WWOX: variants seen among roughly 807,000 people sequenced by gnomAD.
WWOX encodes WW domain-containing oxidoreductase.
Under a neutral mutation model 46.2 loss-of-function variants are expected in WWOX, and 69 were observed. The observed-to-expected ratio is 1.49, with a 90% CI of 1.23 to 1.82. WWOX has a LOEUF of 1.82. Among genes scored for constraint, WWOX ranks in the 40% most tolerant of loss-of-function variants. WWOX has a pLI of 0.00. For missense variants in WWOX, 919 were observed against 542.6 expected, an observed-to-expected ratio of 1.69 and a Z score of -6.89; for synonymous variants, 359 against 202.6, an observed-to-expected ratio of 1.77 and a Z score of -6.56.
intron 8 of WWOX, among the ~76,000 whole-genome samples, chr16:78,820,482 G>T (rs1196208078): frequency 2.6e-5 from 4 of 152,118 alleles, no homozygotes; most frequent in African/African-American, 4.8e-5. Context: ...AGAACTTCTT[G>T]TAAGCCCCAT....
intron 5 of WWOX, among the ~76,000 whole-genome samples, chr16:78,176,649 ATGAC>A (rs1212734237): frequency 1.8e-4 from 27 of 152,340 alleles, no homozygotes; most frequent in South Asian, 8.3e-4. Flanking sequence ...CTTCAGATTT[ATGAC>A]TCTGGGAAAA....
intron 8 of WWOX, among the ~76,000 whole-genome samples, chr16:78,983,850 C>T (rs2046731006): frequency 6.9e-6 from 1 of 145,336 alleles, no homozygotes; most frequent in South Asian, 2.2e-4. Context: ...TGAAGCAGTC[C>T]ATCTGTTATG....
At position 79,182,253 on chromosome 16, in the gene WWOX, T is replaced by C. The variant is rs74036977; in HGVS notation, c.1057-29355T>C. On this transcript the variant is annotated intron_variant, in intron 8 of 8. Coordinates refer to ENST00000566780, the MANE Select transcript of WWOX (RefSeq NM_016373.4). ...TCTGGGGCTGTACACGTCTTTGTACTGCACACTGTAGGGTATCCAGGATTC... is the reference window on the plus strand; with the variant it reads ...TCTGGGGCTGTACACGTCTTTGTACCGCACACTGTAGGGTATCCAGGATTC... Among the ~76,000 whole-genome samples the C allele has an allele frequency of 8.8e-3, 1,341 of 152,208 alleles. 15 individuals carry two copies. Among genetic ancestry groups the C allele is most frequent in the African/African-American group, 0.031 (1,294 of 41,534 alleles).
rs373448940 is a variant in WWOX, at chr16:78,145,401, A to G, written c.410-18782A>G. On this transcript the variant is annotated intron_variant, in intron 4 of 8. Coordinates refer to ENST00000566780, the MANE Select transcript of WWOX (RefSeq NM_016373.4). The stretch of plus-strand genomic sequence containing the variant: ...AGAGCCCCTGGCAAACCACTGGTGT[A>G]AGTCCAAGAGTCCAAAAGCTGAAGA... Among the ~76,000 whole-genome samples the G allele has an allele frequency of 7.2e-5, 11 of 152,300 alleles. 1 individual carries two copies. The highest frequency in any genetic ancestry group is 2.4e-4 in the African/African-American group (10 of 41,568).
At chr16:78,871,212 A>C (rs530672064) in intron 8 of WWOX, among the ~76,000 whole-genome samples, 92 of 150,590 alleles carry the variant, frequency 6.1e-4, no homozygotes, top group African/African-American at 2.2e-3. Context: ...AGGGGTAAAA[A>C]CCCCCGCTGC....
intron 8 of WWOX, among the ~76,000 whole-genome samples, chr16:78,828,757 G>T (rs1188323481): frequency 6.6e-6 from 1 of 152,048 alleles, no homozygotes; most frequent in Non-Finnish European, 1.5e-5. Context: ...CCTATAAAGT[G>T]GGCACAATTA....
intron 8 of WWOX, among the ~76,000 whole-genome samples, chr16:78,719,059 G>A (rs2048634111): frequency 1.3e-5 from 2 of 152,190 alleles, no homozygotes; most frequent in Non-Finnish European, 2.9e-5. Context: ...TTCCAACAGA[G>A]CTAAAGGGTA....
intron 8 of WWOX, among the ~76,000 whole-genome samples, chr16:79,160,757 GA>G (rs1350654975): frequency 6.6e-6 from 1 of 152,008 alleles, no homozygotes; most frequent in Non-Finnish European, 1.5e-5. Context: ...GCAGATTAGA[GA>G]AAAAAATGTG....
chr16:79,029,422 G>A (rs1055303675), intron 8 of WWOX, among the ~76,000 whole-genome samples: 6 of 152,166 alleles, frequency 3.9e-5, no homozygotes, highest in Non-Finnish European at 7.3e-5. Flanking sequence ...CAAAACATGT[G>A]TGCACCAGTA....
intron 8 of WWOX, among the ~76,000 whole-genome samples, chr16:78,823,315 G>T (rs1027774281): frequency 6.6e-6 from 1 of 152,198 alleles, no homozygotes; most frequent in Non-Finnish European, 1.5e-5. Context: ...GAGAGGAGTT[G>T]ATGATCACAT....
intron 8 of WWOX, among the ~76,000 whole-genome samples, chr16:78,647,313 C>G (rs542569659): frequency 3.3e-5 from 5 of 152,108 alleles, no homozygotes; most frequent in African/African-American, 9.7e-5. Context: ...CCGGCCCAGG[C>G]GAGGATGAGG....
rs1411189766 is a variant in WWOX, at chr16:79,099,348, A to G, written c.1057-112260A>G. ...ATATATCTTTCACATTTCTCTTTAC[A>G]AAAAGAAAAACAATGTAAGGTCCCG... On this transcript the variant is annotated intron_variant, in intron 8 of 8. Coordinates refer to ENST00000566780, the MANE Select transcript of WWOX (RefSeq NM_016373.4). Among the ~76,000 whole-genome samples, 5 of 152,178 alleles carry G rather than the reference A, an allele frequency of 3.3e-5. 1 individual carries two copies. Among genetic ancestry groups the G allele is most frequent in the Admixed American group, 3.3e-4 (5 of 15,276 alleles).
Position 78,961,561 on chromosome 16 carries a change from T to A in WWOX, c.1057-250047T>A, listed in dbSNP as rs182829590. Among the ~76,000 whole-genome samples the A allele has an allele frequency of 3.3e-5, 5 of 151,712 alleles. No individual in the cohort carries two copies. The East Asian group carries it at 5.8e-4, about 18-fold the overall frequency. ...ATAGATGGATGTATGGATGGGTGGG[T>A]TGGTGGGTGCATGGATGGGTGAGTA... On this transcript the variant is annotated intron_variant, in intron 8 of 8. Coordinates refer to ENST00000566780, the MANE Select transcript of WWOX (RefSeq NM_016373.4).
At chr16:78,285,615 C>T (rs1006010399) in intron 5 of WWOX, among the ~76,000 whole-genome samples, 2 of 152,108 alleles carry the variant, frequency 1.3e-5, no homozygotes, top group South Asian at 4.1e-4. Context: ...TGCAATTATG[C>T]ATTGTTTGTG....
chr16:78,103,234 G>T (rs1444727971), intron 1 of WWOX, among the ~76,000 whole-genome samples: 6 of 138,372 alleles, frequency 4.3e-5, no homozygotes, highest in Non-Finnish European at 9.5e-5. Context: ...GGCCTCTCTG[G>T]CTCCGCTGTT....
chr16:78,853,518 C>T (rs1030397160), intron 8 of WWOX, among the ~76,000 whole-genome samples: 2 of 152,138 alleles, frequency 1.3e-5, no homozygotes, highest in East Asian at 1.9e-4. Flanking sequence ...TTCCATAACC[C>T]GGTGTGCTAA....
chr16:78,199,468 T>G (rs934432524), intron 5 of WWOX, among the ~76,000 whole-genome samples: 36 of 152,294 alleles, frequency 2.4e-4, no homozygotes, highest in African/African-American at 8.7e-4. Context: ...CAACTAATCT[T>G]TCCCTGTGTT....
intron 5 of WWOX, among the ~76,000 whole-genome samples, chr16:78,322,016 A>G (rs2080494557): frequency 6.6e-6 from 1 of 152,232 alleles, no homozygotes; most frequent in African/African-American, 2.4e-5. Context: ...GCATGAGAAC[A>G]GCAGCTAAAG....
intron 8 of WWOX, among the ~76,000 whole-genome samples, chr16:78,989,894 C>T (rs576793673): frequency 5.4e-5 from 8 of 147,060 alleles, no homozygotes; most frequent in Middle Eastern, 3.9e-3. Flanking sequence ...GAAAGAGAGG[C>T]GGGGGATTCC....
Sources: allele counts gnomAD v4.1 joint callset (sites outside exome capture counted in the v4.1 genomes callset), GRCh38; gene constraint gnomAD v4.1.1; transcripts MANE v1.5; gene names NCBI Gene and HGNC (gene_info 2026-07-23, HGNC 2026-07-21).